LAMC2: variants seen among roughly 807,000 people sequenced by gnomAD.
The protein encoded by LAMC2 is laminin subunit gamma-2.
In LAMC2, 97 loss-of-function variants were observed where a neutral mutation model predicts 140.2. The ratio of observed to expected loss-of-function variants is 0.69; its 90% CI spans 0.59 to 0.82. LAMC2 has a LOEUF of 0.82. LAMC2 is among the 40% of genes least tolerant of loss of function. The pLI, the probability that LAMC2 is intolerant of heterozygous loss-of-function variation, is 0.00. For missense variants in LAMC2, 1,402 were observed against 1,476.1 expected (o/e 0.95, Z 0.82); for synonymous variants, 513 against 540.2 (o/e 0.95, Z 0.70).
chr1:183,247,831 C>A (rs1402079561), downstream of LAMC2, among the ~76,000 whole-genome samples: 1 of 152,108 alleles, frequency 6.6e-6, no homozygotes, highest in African/African-American at 2.4e-5. Flanking sequence ...AAGCAAATTG[C>A]GAGTTTAACA....
chr1:183,222,290 T>C (rs1213784848), intron 6 of LAMC2, 79 bp downstream of exon 6: 2 of 1,504,194 alleles, frequency 1.3e-6, no homozygotes, highest in Admixed American at 1.7e-5. Flanking sequence ...AGTTAGAAAT[T>C]GTGGAAACCA....
At chr1:183,215,710 C>A in intron 3 of LAMC2, 122 bp downstream of exon 3, 1 of 1,177,106 alleles carries the variant, frequency 8.5e-7, no homozygotes, top group Non-Finnish European at 1.3e-6. Flanking sequence ...GAGAGTACAT[C>A]ATTTGGGCTA....
At chr1:183,208,929 T>A (rs544763236) in intron 2 of LAMC2, among the ~76,000 whole-genome samples, 3 of 152,052 alleles carry the variant, frequency 2.0e-5, no homozygotes, top group Non-Finnish European at 4.4e-5. Flanking sequence ...TCCACTTGCC[T>A]CAGCCTCCCA....
intron 22 of LAMC2, 197 bp downstream of exon 22, chr1:183,240,588 G>T: frequency 7.0e-7 from 1 of 1,436,080 alleles, no homozygotes; most frequent in South Asian, 1.5e-5. Flanking sequence ...CCGTTGCTAA[G>T]ATGGGTCACT....
rs1354843021 is a variant in LAMC2, at chr1:183,243,925, T to C, written c.*525T>C. The C allele has an allele frequency of 5.5e-6, 1 of 183,444 alleles. No individual in the cohort carries two copies. 11.4% of individuals were successfully genotyped at this position (183,444 alleles called of 1,614,324 possible). On this transcript the variant is annotated 3_prime_UTR_variant, in exon 23 of 23. Coordinates refer to ENST00000264144, the MANE Select transcript of LAMC2 (RefSeq NM_005562.3). Reference sequence around the variant, plus strand: ...TCTTGCTGATCAGAGTTCCTCCTACTTACAACCCAGGGTGTGAACATGTTC... The same window carrying C: ...TCTTGCTGATCAGAGTTCCTCCTACCTACAACCCAGGGTGTGAACATGTTC...
chr1:183,256,815 G>C, the LAMC2 span, among the ~76,000 whole-genome samples: 7 of 152,050 alleles, frequency 4.6e-5, no homozygotes, highest in African/African-American at 1.7e-4. Context: ...AGCAGCGCAT[G>C]ATCTCAGTTC....
At chr1:183,239,848 C>G in intron 20 of LAMC2, 192 bp from the exon 21 acceptor site, 2 of 698,378 alleles carry the variant, frequency 2.9e-6, no homozygotes, top group Non-Finnish European at 2.5e-6. Context: ...CCTAGTCATA[C>G]CCCCAGATTA....
rs60001471 is a variant in LAMC2, at chr1:183,195,800, G to GATT, written c.79+9369_79+9370insATT. 2.6e-5 allele frequency among the ~76,000 whole-genome samples: 4 copies of GATT among 151,756 alleles called. No homozygotes were observed. In the South Asian group the frequency reaches 6.2e-4, roughly 24 times the overall value. ...CACACATTAAACAATGAAGTTCAAG[G>GATT]CCAGTTTAAATGATGAAGGATTCAG... On this transcript the variant is annotated intron_variant, in intron 1 of 22. Transcript: ENST00000264144.
At chr1:183,238,706 G>A (rs1156283877) in intron 19 of LAMC2, among the ~76,000 whole-genome samples, 4 of 152,174 alleles carry the variant, frequency 2.6e-5, no homozygotes, top group Non-Finnish European at 5.9e-5. Flanking sequence ...CCAGAACCTA[G>A]TATCTTCCTC....
chr1:183,250,638 T>G, the LAMC2 span: 1 of 152,642 alleles, frequency 6.6e-6, no homozygotes, highest in East Asian at 1.9e-4. Flanking sequence ...CTCCCTCAAC[T>G]TTTAAAGGAA....
chr1:183,243,298 G>C lies in LAMC2; in HGVS notation c.3480G>C (p.Glu1160Asp), dbSNP rs138249070. ...AGAGGGGCCACCTCCATTTGCTGGA[G>C]ACAAGCATAGATGGGATTCTGGCTG... ...RQQRGHLHLLETSIDGILADV... is the reference protein window; with the variant it reads ...RQQRGHLHLLDTSIDGILADV... Residue 1160 changes from glutamate to aspartate, a missense_variant, in exon 23 of 23, where the codon GAG becomes GAC. Coordinates refer to ENST00000264144, the MANE Select transcript of LAMC2 (RefSeq NM_005562.3). 1.7e-5 allele frequency: 27 copies of C among 1,614,092 alleles called. No homozygotes were observed. The African/African-American group carries it at 3.5e-4, about 21-fold the overall frequency.
At chr1:183,219,255 G>A (rs1013188799) in intron 4 of LAMC2, among the ~76,000 whole-genome samples, 2 of 152,240 alleles carry the variant, frequency 1.3e-5, no homozygotes, top group East Asian at 3.8e-4. Flanking sequence ...CAGAGGAAAT[G>A]TCAAATACAC....
chr1:183,254,492 G>T, the LAMC2 span, among the ~76,000 whole-genome samples: 1 of 152,044 alleles, frequency 6.6e-6, no homozygotes, highest in Non-Finnish European at 1.5e-5. Flanking sequence ...AGGCTGGAGT[G>T]CAGTAGTGAG....
intron 20 of LAMC2, 37 bp downstream of exon 20, chr1:183,239,600 C>G (rs768584491): frequency 5.2e-6 from 8 of 1,538,796 alleles, no homozygotes; most frequent in Non-Finnish European, 7.2e-6. Context: ...GTGCCAGTAG[C>G]ACCAAACACA....
intron 1 of LAMC2, among the ~76,000 whole-genome samples, chr1:183,193,112 C>T (rs1658398670): frequency 6.6e-6 from 1 of 152,150 alleles, no homozygotes; most frequent in African/African-American, 2.4e-5. Context: ...TCAGAAGTCT[C>T]CATTTGTGTA....
At chr1:183,237,605 A>C in intron 18 of LAMC2, 101 bp downstream of exon 18, 1 of 1,176,374 alleles carries the variant, frequency 8.5e-7, no homozygotes, top group East Asian at 2.6e-5. Context: ...CTGACCAGGC[A>C]CGGTGACTTA....
chr1:183,238,389 A>C lies in LAMC2; in HGVS notation c.2837A>C (p.Tyr946Ser). ...CTGAGTATGGGCAATGCCACTTTTTATGAAGTTGAGAGCATCCTTAAAAAC... is the reference window on the plus strand; with the variant it reads ...CTGAGTATGGGCAATGCCACTTTTTCTGAAGTTGAGAGCATCCTTAAAAAC... ...EALSMGNATF[Y>S]EVESILKNLR... Residue 946 changes from tyrosine to serine, a missense_variant, in exon 19 of 23, where the codon TAT becomes TCT. Tyr to Ser is a moderately radical substitution (Grantham distance 144). This residue lies in a region of LAMC2 where 670 missense variants were observed against 667.2 expected (regional missense o/e 1.00). Coordinates refer to ENST00000264144, the MANE Select transcript of LAMC2 (RefSeq NM_005562.3). 1 of 1,613,880 alleles carries C rather than the reference A, an allele frequency of 6.2e-7. No individual in the cohort carries two copies. The highest frequency in any genetic ancestry group is 8.5e-7 in the Non-Finnish European group (1 of 1,179,762).
chr1:183,216,960 C>T (rs1315984983), intron 3 of LAMC2, among the ~76,000 whole-genome samples: 1 of 152,146 alleles, frequency 6.6e-6, no homozygotes, highest in Admixed American at 6.5e-5. Flanking sequence ...TCTGAGCACC[C>T]GGTAGATGCT....
chr1:183,227,578 A>T lies in LAMC2; in HGVS notation c.1349A>T (p.Tyr450Phe), dbSNP rs1434834756. 6.2e-7 allele frequency: 1 copy of T among 1,614,082 alleles called. No individual in the cohort carries two copies. Among genetic ancestry groups the T allele is most frequent in the South Asian group, 1.1e-5 (1 of 91,068 alleles). Residue 450 changes from tyrosine to phenylalanine, a missense_variant, in exon 10 of 23, where the codon TAC becomes TTC. Tyr to Phe is a conservative substitution (Grantham distance 22). This residue lies in a region of LAMC2 where 723 missense variants were observed against 783.3 expected (regional missense o/e 0.92). Coordinates refer to ENST00000264144, the MANE Select transcript of LAMC2 (RefSeq NM_005562.3). ...TGTGCTGACTGCCCAATTGGTTTCT[A>T]CAACGATCCGCACGACCCCCGCAGC... is the stretch of plus-strand genomic sequence containing the variant. ...IECADCPIGF[Y>F]NDPHDPRSCK...
Sources: allele counts gnomAD v4.1 joint callset (sites outside exome capture counted in the v4.1 genomes callset), GRCh38; gene constraint gnomAD v4.1.1; regional missense constraint gnomAD v4.1.1; transcripts MANE v1.5; gene names NCBI Gene and HGNC (gene_info 2026-07-23, HGNC 2026-07-21).